CALN1: variants seen among roughly 807,000 people sequenced by gnomAD.
CALN1 encodes calneuron 1.
Under a neutral mutation model 30.6 loss-of-function variants are expected in CALN1, and 17 were observed. That is an observed-to-expected ratio of 0.56 (90% CI 0.38 to 0.83). The LOEUF is 0.83. Ranked by LOEUF, CALN1 falls within the 40% of genes least tolerant of loss-of-function variation. The pLI is 0.00. For synonymous variants in CALN1, 156 were observed against 131.4 expected (o/e 1.19, Z -1.28); for missense variants, 291 against 354.9 (o/e 0.82, Z 1.45).
At chr7:72,493,585 C>T in the CALN1 span, among the ~76,000 whole-genome samples, 20 of 152,276 alleles carry the variant, frequency 1.3e-4, no homozygotes, top group East Asian at 7.8e-4. Flanking sequence ...GTGATCCATC[C>T]GCCTCAGCTT....
At chr7:72,436,980 G>GGCTTGAGCT (rs1476259690) in intron 1 of CALN1, among the ~76,000 whole-genome samples, 3 of 152,050 alleles carry the variant, frequency 2.0e-5, no homozygotes, top group Non-Finnish European at 2.9e-5. Context: ...TAAGCAGGGA[G>GGCTTGAGCT]GCTTGAGCTG....
At chr7:71,936,922 A>AT (rs1038702422) in intron 5 of CALN1, among the ~76,000 whole-genome samples, 5 of 150,864 alleles carry the variant, frequency 3.3e-5, no homozygotes, top group African/African-American at 7.4e-5. Flanking sequence ...TATCTCCCTC[A>AT]TTTTCTCTTG....
the CALN1 span, among the ~76,000 whole-genome samples, chr7:72,471,763 C>T: frequency 1.3e-5 from 2 of 152,142 alleles, no homozygotes; most frequent in Admixed American, 6.6e-5. Flanking sequence ...ACAAGCAAGA[C>T]AGTTGTCCAC....
intron 2 of CALN1, among the ~76,000 whole-genome samples, chr7:72,336,163 C>T (rs984223406): frequency 6.6e-6 from 1 of 152,170 alleles, no homozygotes; most frequent in Non-Finnish European, 1.5e-5. Flanking sequence ...GAAAGGCAAG[C>T]AGTCAGCGCT....
chr7:71,983,793 A>G (rs1395915710), intron 5 of CALN1, among the ~76,000 whole-genome samples: 2 of 152,130 alleles, frequency 1.3e-5, no homozygotes, highest in African/African-American at 2.4e-5. Flanking sequence ...CGGCCTCCCA[A>G]AGTGCTGGGA....
intron 5 of CALN1, among the ~76,000 whole-genome samples, chr7:71,920,502 A>AT (rs1365309034): frequency 6.6e-5 from 10 of 151,388 alleles, no homozygotes; most frequent in Non-Finnish European, 1.2e-4. Context: ...CGCCCAGCTG[A>AT]TTTTTTGTAT....
intron 1 of CALN1, among the ~76,000 whole-genome samples, chr7:72,410,835 TTTA>T (rs1807079525): frequency 6.6e-6 from 1 of 152,178 alleles, no homozygotes; most frequent in Admixed American, 6.5e-5. Flanking sequence ...CACTAGAAAC[TTTA>T]TTGCTAAAAT....
intron 5 of CALN1, among the ~76,000 whole-genome samples, chr7:71,876,994 TTAGAA>T (rs1792283998): frequency 6.6e-6 from 1 of 152,204 alleles, no homozygotes; most frequent in Non-Finnish European, 1.5e-5. Context: ...AAGCAATCAA[TTAGAA>T]CCCTTGTTTC....
chr7:72,146,013 T>A (rs1786688733), intron 3 of CALN1, among the ~76,000 whole-genome samples: 1 of 152,200 alleles, frequency 6.6e-6, no homozygotes, highest in Non-Finnish European at 1.5e-5. Flanking sequence ...ACAGCCAGTA[T>A]CATACTGAAT....
At chr7:71,885,965 C>T (rs1158675867) in intron 5 of CALN1, among the ~76,000 whole-genome samples, 1 of 152,200 alleles carries the variant, frequency 6.6e-6, no homozygotes, top group African/African-American at 2.4e-5. Context: ...GCTGCCAGTA[C>T]AATGAGCCGA....
chr7:71,881,361 C>T (rs544808990), intron 5 of CALN1, among the ~76,000 whole-genome samples: 18 of 152,310 alleles, frequency 1.2e-4, no homozygotes, highest in African/African-American at 4.1e-4. Context: ...TTCATATATA[C>T]ATCTATCCTA....
chr7:72,368,451 C>A (rs764967996), intron 2 of CALN1, among the ~76,000 whole-genome samples: 3 of 151,718 alleles, frequency 2.0e-5, no homozygotes, highest in Non-Finnish European at 4.4e-5. Flanking sequence ...ACGACTTTGG[C>A]TTCTTTTTGT....
intron 3 of CALN1, among the ~76,000 whole-genome samples, chr7:72,190,254 G>A (rs1790508622): frequency 6.6e-6 from 1 of 152,184 alleles, no homozygotes; most frequent in Non-Finnish European, 1.5e-5. Flanking sequence ...GCTGAGCCAG[G>A]AGAATCGCCT....
At chr7:72,156,590 T>C (rs898315545) in intron 3 of CALN1, among the ~76,000 whole-genome samples, 13 of 152,054 alleles carry the variant, frequency 8.5e-5, no homozygotes, top group African/African-American at 3.1e-4. Flanking sequence ...GCCCCATGAG[T>C]CCCCATGTCA....
At chr7:72,113,800 C>T (rs1807746132) in intron 3 of CALN1, among the ~76,000 whole-genome samples, 1 of 152,118 alleles carries the variant, frequency 6.6e-6, no homozygotes, top group Admixed American at 6.5e-5. Context: ...AAGTGTGTGA[C>T]CCTTTCATGT....
chr7:72,005,338 TTC>T (rs1481293780), intron 5 of CALN1, among the ~76,000 whole-genome samples: 2 of 152,174 alleles, frequency 1.3e-5, no homozygotes, highest in Non-Finnish European at 2.9e-5. Flanking sequence ...AAACTGTTTT[TTC>T]TGTTTTGAGA....
intron 6 of CALN1, among the ~76,000 whole-genome samples, chr7:71,799,789 CT>C (rs1230736972): frequency 6.6e-6 from 1 of 152,076 alleles, no homozygotes; most frequent in Non-Finnish European, 1.5e-5. Flanking sequence ...TCTCTATTTT[CT>C]GTTTCAGAAT....
intron 3 of CALN1, among the ~76,000 whole-genome samples, chr7:72,236,940 T>C (rs932754398): frequency 3.3e-5 from 5 of 152,140 alleles, no homozygotes; most frequent in African/African-American, 1.2e-4. Context: ...GAGCCTGCAG[T>C]GGGAGGTGAA....
intron 5 of CALN1, among the ~76,000 whole-genome samples, chr7:71,984,584 T>C (rs572169900): frequency 2.2e-4 from 34 of 152,258 alleles, no homozygotes; most frequent in South Asian, 6.2e-4. Flanking sequence ...GTGGAGGTGC[T>C]TATTCTCTCC....
Sources: gnomAD v4.1 joint callset for allele counts (sites outside exome capture counted in the v4.1 genomes callset) on GRCh38, gnomAD v4.1.1 for gene constraint, MANE v1.5 for transcripts, NCBI Gene and HGNC (gene_info 2026-07-23, HGNC 2026-07-21) for gene names.